Variants in AGAP1 observed in about 807,000 individuals in gnomAD.
AGAP1 encodes ArfGAP with GTPase domain, ankyrin repeat and PH domain 1, also known as arf-GAP with GTPase, ANK repeat and PH domain-containing protein 1.
In AGAP1, 29 loss-of-function variants were observed where a neutral mutation model predicts 105.3. The observed-to-expected ratio is 0.28, with a 90% CI of 0.21 to 0.38. The LOEUF (loss-of-function observed/expected upper bound fraction) is 0.38, where lower values mean the gene tolerates loss of function less well. Ranked by LOEUF, AGAP1 falls within the 10% of genes least tolerant of loss-of-function variation. The probability of loss-of-function intolerance (pLI) is 1.00; values close to 1 mark genes in which losing one functional copy is unlikely to be tolerated. For synonymous variants in AGAP1, 509 were observed against 485.9 expected (o/e 1.05, Z -0.63); for missense variants, 998 against 1,165.1 (o/e 0.86, Z 2.09).
chr2:235,522,882 C>T (rs1243921258), intron 1 of AGAP1, among the ~76,000 whole-genome samples: 2 of 152,160 alleles, frequency 1.3e-5, no homozygotes, highest in Admixed American at 6.5e-5. Context: ...AGGATAGATC[C>T]TTCTGATATC....
At chr2:235,791,408 CT>C (rs1347588610) in intron 6 of AGAP1, among the ~76,000 whole-genome samples, 1 of 151,974 alleles carries the variant, frequency 6.6e-6, no homozygotes, top group Non-Finnish European at 1.5e-5. Context: ...AAGATTCTTT[CT>C]TTTTCTTTTC....
intron 1 of AGAP1, among the ~76,000 whole-genome samples, chr2:235,498,648 A>G (rs1941427971): frequency 2.0e-5 from 3 of 152,282 alleles, no homozygotes; most frequent in African/African-American, 4.8e-5. Context: ...GCAGTCACAC[A>G]TCGTAATTCA....
At chr2:235,499,587 C>A (rs7582515) in intron 1 of AGAP1, among the ~76,000 whole-genome samples, 3,600 of 152,256 alleles carry the variant, frequency 0.024, 145 homozygotes, top group African/African-American at 0.083. Flanking sequence ...CTCCACAATG[C>A]GGGCGTTCCT....
intron 1 of AGAP1, among the ~76,000 whole-genome samples, chr2:235,688,496 T>C (rs190413928): frequency 1.3e-5 from 2 of 152,272 alleles, no homozygotes; most frequent in South Asian, 2.1e-4. Context: ...CTGCCTCTCT[T>C]GGGGTACTTT....
At chr2:235,915,469 G>A (rs1265950582) in intron 11 of AGAP1, among the ~76,000 whole-genome samples, 2 of 59,224 alleles carry the variant, frequency 3.4e-5, no homozygotes, top group African/African-American at 1.1e-4. Context: ...GAGCCCAAGA[G>A]TTCAAGACCG....
intron 9 of AGAP1, among the ~76,000 whole-genome samples, chr2:235,827,281 G>A (rs535873531): frequency 5.7e-4 from 87 of 152,140 alleles, no homozygotes; most frequent in South Asian, 1.5e-3. Context: ...GATTCTCCAC[G>A]CAGACTCTCC....
rs564223145 is a variant in AGAP1, at chr2:235,726,429, C to T, written c.310+8785C>T. Among the ~76,000 whole-genome samples the T allele has an allele frequency of 7.9e-5, 12 of 152,350 alleles. No homozygotes were observed. In the East Asian group the frequency reaches 1.5e-3, roughly 20 times the overall value. On this transcript the variant is annotated intron_variant, in intron 3 of 17. Transcript: ENST00000304032. Reference sequence around the variant, plus strand: ...GGAGACTAGAGCCTAGAAAGTTTCACGTATGTAATTACAAATCATTTTTCC... The same window carrying T: ...GGAGACTAGAGCCTAGAAAGTTTCATGTATGTAATTACAAATCATTTTTCC...
At position 235,891,340 on chromosome 2, in the gene AGAP1, C is replaced by T. The variant is rs2050530926; in HGVS notation, c.1155+7891C>T. On this transcript the variant is annotated intron_variant, in intron 10 of 17. Coordinates refer to ENST00000304032, the MANE Select transcript of AGAP1 (RefSeq NM_001037131.3). The surrounding 1 kb of genome is among the most constrained non-coding windows in gnomAD (Gnocchi z 4.2). ...GTGTCTTTGAAAAATTGTATGTCTCCAAGACCTTTAAAAAGCCCTAACTGC... is the reference window on the plus strand; with the variant it reads ...GTGTCTTTGAAAAATTGTATGTCTCTAAGACCTTTAAAAAGCCCTAACTGC... 6.6e-6 allele frequency among the ~76,000 whole-genome samples: 1 copy of T among 152,180 alleles called. No individual in the cohort carries two copies. Among genetic ancestry groups the T allele is most frequent in the Non-Finnish European group, 1.5e-5 (1 of 68,044 alleles).
intron 11 of AGAP1, among the ~76,000 whole-genome samples, chr2:235,916,505 A>G (rs999896537): frequency 6.6e-6 from 1 of 152,218 alleles, no homozygotes; most frequent in Admixed American, 6.5e-5. Flanking sequence ...TTTCACATTT[A>G]AGTAGAGAGC....
intron 1 of AGAP1, among the ~76,000 whole-genome samples, chr2:235,581,110 A>G (rs918609878): frequency 1.4e-5 from 2 of 146,250 alleles, no homozygotes; most frequent in African/African-American, 2.6e-5. Flanking sequence ...TAGCCTGGCC[A>G]ACATGGTGAA....
In AGAP1 at chr2:236,036,187, C is replaced by T. The variant is rs918028783; in HGVS notation, c.1646-374C>T. 2.0e-5 allele frequency among the ~76,000 whole-genome samples: 3 copies of T among 152,134 alleles called. No individual in the cohort carries two copies. The highest frequency in any genetic ancestry group is 7.2e-5 in the African/African-American group (3 of 41,430). ...CTTAGATAGAAATTAACCCTGCAGC[C>T]GGAGATTAGCGGCCCTAACTTAATT... On this transcript the variant is annotated intron_variant, in intron 13 of 17. Coordinates refer to ENST00000304032, the MANE Select transcript of AGAP1 (RefSeq NM_001037131.3). The surrounding 1 kb of genome is among the most constrained non-coding windows in gnomAD (Gnocchi z 5.7).
chr2:235,803,409 C>T (rs1232930801), intron 8 of AGAP1, among the ~76,000 whole-genome samples: 1 of 152,128 alleles, frequency 6.6e-6, no homozygotes, highest in East Asian at 1.9e-4. Context: ...TCATCCCTGG[C>T]AGTTGTTGGT....
rs1380280964 is a variant in AGAP1, at chr2:235,739,184, C to T, written c.311-1779C>T. 1.3e-5 allele frequency among the ~76,000 whole-genome samples: 2 copies of T among 152,182 alleles called. No individual in the cohort carries two copies. The highest frequency in any genetic ancestry group is 2.9e-5 in the Non-Finnish European group (2 of 68,046). The stretch of plus-strand genomic sequence containing the variant: ...GATGGGGCGAGGTGGGGCAAGACTA[C>T]ACAGCTGTATGTGGCAGAGCCAGGG... On this transcript the variant is annotated intron_variant, in intron 3 of 17. Coordinates refer to ENST00000304032, the MANE Select transcript of AGAP1 (RefSeq NM_001037131.3). The surrounding 1 kb of genome is among the most constrained non-coding windows in gnomAD (Gnocchi z 5.3).
chr2:235,993,518 G>A lies in AGAP1; in HGVS notation c.1645+24895G>A, dbSNP rs1021667849. Among the ~76,000 whole-genome samples the A allele has an allele frequency of 2.6e-5, 4 of 152,168 alleles. No individual in the cohort carries two copies. The highest frequency in any genetic ancestry group is 7.2e-5 in the African/African-American group (3 of 41,436). ...ATAGGGAGGTAGTAATTGGATTTGC[G>A]ATGTATTTCTTTTCTGCAAGTATGG... On this transcript the variant is annotated intron_variant, in intron 13 of 17. Coordinates refer to ENST00000304032, the MANE Select transcript of AGAP1 (RefSeq NM_001037131.3). The surrounding 1 kb of genome is among the most constrained non-coding windows in gnomAD (Gnocchi z 5.0).
rs1576188672 is a variant in AGAP1 at position 236,056,250 on chromosome 2, C to T, written c.2114+6969C>T. On this transcript the variant is annotated intron_variant, in intron 16 of 17. Coordinates refer to ENST00000304032, the MANE Select transcript of AGAP1 (RefSeq NM_001037131.3). This position sits in a 1 kb window ranked among gnomAD's most constrained non-coding sequence, Gnocchi z 4.6. The stretch of plus-strand genomic sequence containing the variant: ...ATGGTGCTCTCGGTTTATCATGCCG[C>T]CTGCCACACAGGAACCCCAGTTATT... Among the ~76,000 whole-genome samples the T allele has an allele frequency of 6.6e-6, 1 of 152,164 alleles. No individual in the cohort carries two copies. The highest frequency in any genetic ancestry group is 2.4e-5 in the African/African-American group (1 of 41,436).
Position 235,609,266 on chromosome 2 carries a change from A to T in AGAP1, c.164-99913A>T, listed in dbSNP as rs71423690. Reference sequence around the variant, plus strand: ...GCTGTGGGAACATAAGGAAAAGCAGATGTGGCCACTGGTGCTTGGAAGAGA... The same window carrying T: ...GCTGTGGGAACATAAGGAAAAGCAGTTGTGGCCACTGGTGCTTGGAAGAGA... On this transcript the variant is annotated intron_variant, in intron 1 of 17. Coordinates refer to ENST00000304032, the MANE Select transcript of AGAP1 (RefSeq NM_001037131.3). The surrounding 1 kb of genome is among the most constrained non-coding windows in gnomAD (Gnocchi z 5.1). 1.3e-3 allele frequency among the ~76,000 whole-genome samples: 198 copies of T among 152,254 alleles called. 1 individual carries two copies. The highest frequency in any genetic ancestry group is 4.3e-3 in the African/African-American group (180 of 41,558).
rs1559358198 is a variant in AGAP1 at position 235,692,573 on chromosome 2, T to TC, written c.164-16600dup. ...GCCCCTATGCTCTCCCCCCTTGCCC[T>TC]CCCCCCTTGCCTTCCTGGGCCATCC... On this transcript the variant is annotated intron_variant, in intron 1 of 17. Coordinates refer to ENST00000304032, the MANE Select transcript of AGAP1 (RefSeq NM_001037131.3). This position sits in a 1 kb window ranked among gnomAD's most constrained non-coding sequence, Gnocchi z 5.8. Among the ~76,000 whole-genome samples the TC allele has an allele frequency of 6.7e-6, 1 of 148,670 alleles. No homozygotes were observed. Among genetic ancestry groups the TC allele is most frequent in the South Asian group, 2.2e-4 (1 of 4,640 alleles).
chr2:235,902,457 T>G (rs1343108126), intron 10 of AGAP1, among the ~76,000 whole-genome samples: 1 of 152,228 alleles, frequency 6.6e-6, no homozygotes, highest in Non-Finnish European at 1.5e-5. Flanking sequence ...ATGCATGTGA[T>G]GTCATACCCC....
At chr2:236,102,231 C>A (rs543009916) in intron 16 of AGAP1, among the ~76,000 whole-genome samples, 40 of 152,224 alleles carry the variant, frequency 2.6e-4, no homozygotes, top group African/African-American at 7.5e-4. Context: ...TCCTGGCTAA[C>A]ACGGTGAAAC....
Sources: allele counts gnomAD v4.1 joint callset (sites outside exome capture counted in the v4.1 genomes callset), GRCh38; gene constraint gnomAD v4.1.1; non-coding constraint Gnocchi (gnomAD v3.1); transcripts MANE v1.5; gene names NCBI Gene and HGNC (gene_info 2026-07-23, HGNC 2026-07-21).